KCNH8: variants seen among roughly 807,000 people sequenced by gnomAD.
The protein encoded by KCNH8 is voltage-gated delayed rectifier potassium channel KCNH8.
Under a neutral mutation model 103.6 loss-of-function variants are expected in KCNH8, and 70 were observed. That is an observed-to-expected ratio of 0.68 (90% CI 0.56 to 0.82). The LOEUF (loss-of-function observed/expected upper bound fraction) is 0.82. Ranked by LOEUF, KCNH8 falls within the 40% of genes least tolerant of loss-of-function variation. The pLI, the probability that KCNH8 is intolerant of heterozygous loss-of-function variation, is 0.00. For synonymous variants in KCNH8, 498 were observed against 489.4 expected (o/e 1.02, Z -0.23); for missense variants, 1,217 against 1,329.9 (o/e 0.92, Z 1.32).
intron 2 of KCNH8, among the ~76,000 whole-genome samples, chr3:19,262,266 C>T (rs560291672): frequency 2.0e-5 from 3 of 152,008 alleles, no homozygotes; most frequent in South Asian, 2.1e-4. Flanking sequence ...TATTAGTCTC[C>T]TCTTCAGTGT....
intron 1 of KCNH8, among the ~76,000 whole-genome samples, chr3:19,214,025 C>T (rs1429822037): frequency 6.6e-6 from 1 of 152,158 alleles, no homozygotes; most frequent in Non-Finnish European, 1.5e-5. Flanking sequence ...TTCTACCACC[C>T]CCGCCTGCCC....
intron 11 of KCNH8, among the ~76,000 whole-genome samples, chr3:19,483,136 G>C (rs562982581): frequency 6.6e-6 from 1 of 152,172 alleles, no homozygotes; most frequent in South Asian, 2.1e-4. Flanking sequence ...TAGGAAGAAA[G>C]ATGGTTTAAG....
intron 5 of KCNH8, among the ~76,000 whole-genome samples, chr3:19,348,373 T>C (rs200447291): frequency 1.4e-5 from 2 of 144,714 alleles, no homozygotes; most frequent in African/African-American, 2.4e-5. Flanking sequence ...CCGTGCCCTT[T>C]CAGCATGTTG....
chr3:19,242,790 A>AAGGCTTATT (rs139101614), intron 1 of KCNH8, among the ~76,000 whole-genome samples: 1,992 of 152,270 alleles, frequency 0.013, 21 homozygotes, highest in Middle Eastern at 0.034. Context: ...AGGTTTATGA[A>AAGGCTTATT]ACTGCAAATG....
chr3:19,404,435 A>G (rs2066661551), intron 7 of KCNH8, among the ~76,000 whole-genome samples: 1 of 151,942 alleles, frequency 6.6e-6, no homozygotes, highest in Non-Finnish European at 1.5e-5. Flanking sequence ...TCTTTGTTTT[A>G]AGGTGATAGT....
chr3:19,394,025 T>C (rs1005151380), intron 6 of KCNH8, among the ~76,000 whole-genome samples: 109 of 151,996 alleles, frequency 7.2e-4, no homozygotes, highest in African/African-American at 2.4e-3. Flanking sequence ...GAGGAAAGAA[T>C]TGGAAGTCAA....
In KCNH8 at chr3:19,182,496, A is replaced by T. The variant is rs375491845; in HGVS notation, c.76+33701A>T. The stretch of plus-strand genomic sequence containing the variant: ...CCGTGAGCCAAGATCGCGCCACTGC[A>T]CTCCAGCCTGGGCGACAGAGCGAGA... On this transcript the variant is annotated intron_variant, in intron 1 of 15. Transcript: ENST00000328405. 9.8e-5 allele frequency among the ~76,000 whole-genome samples: 15 copies of T among 152,290 alleles called. No homozygotes were observed. The East Asian group carries it at 2.1e-3, about 22-fold the overall frequency.
At chr3:19,278,678 G>A (rs1409557603) in intron 2 of KCNH8, among the ~76,000 whole-genome samples, 2 of 152,128 alleles carry the variant, frequency 1.3e-5, no homozygotes, top group South Asian at 2.1e-4. Context: ...CCTAGTTCAT[G>A]TAAAATCATT....
intron 3 of KCNH8, among the ~76,000 whole-genome samples, chr3:19,316,805 T>C (rs1224745119): frequency 6.6e-6 from 1 of 151,944 alleles, no homozygotes; most frequent in Non-Finnish European, 1.5e-5. Flanking sequence ...CTCAACACAC[T>C]TTTTGTCTGG....
intron 11 of KCNH8, among the ~76,000 whole-genome samples, chr3:19,482,202 G>A (rs916382008): frequency 7.2e-5 from 11 of 152,194 alleles, no homozygotes; most frequent in East Asian, 3.9e-4. Context: ...TCCATACAAT[G>A]TCTATAATCT....
At chr3:19,440,942 G>T (rs2067274493) in intron 8 of KCNH8, among the ~76,000 whole-genome samples, 2 of 152,028 alleles carry the variant, frequency 1.3e-5, no homozygotes, top group South Asian at 4.1e-4. Context: ...GCTTTGTAAT[G>T]CTGGGGTTTG....
intron 3 of KCNH8, 114 bp downstream of exon 3, chr3:19,281,443 G>GTCCT: frequency 3.3e-6 from 3 of 906,974 alleles, no homozygotes; most frequent in Non-Finnish European, 3.3e-6. Context: ...ATAAATATTC[G>GTCCT]TAACTGTTAG....
chr3:19,512,389 T>C (rs1387670696), intron 12 of KCNH8, among the ~76,000 whole-genome samples: 1 of 152,202 alleles, frequency 6.6e-6, no homozygotes, highest in Non-Finnish European at 1.5e-5. Context: ...GTTTGCTTCT[T>C]TTCTTGCTAG....
chr3:19,180,799 A>G (rs2063445313), intron 1 of KCNH8, among the ~76,000 whole-genome samples: 3 of 152,308 alleles, frequency 2.0e-5, no homozygotes. Flanking sequence ...CTGTGAGAGC[A>G]TATTTTTAGA....
At chr3:19,296,943 G>A (rs1468094143) in intron 3 of KCNH8, among the ~76,000 whole-genome samples, 2 of 151,500 alleles carry the variant, frequency 1.3e-5, no homozygotes, top group Non-Finnish European at 2.9e-5. Flanking sequence ...TTAAAAATTA[G>A]AAATAGAATA....
chr3:19,513,018 G>C lies in KCNH8; in HGVS notation c.2128G>C (p.Val710Leu). The part of the protein sequence containing the change: ...GNINKRLPSI[V>L]EDEEEEEEGE... The stretch of plus-strand genomic sequence containing the variant: ...CATCAACAAGCGACTCCCATCCATT[G>C]TGGAAGATGAGGAAGAGGAGGAGGA... The change falls in exon 13 of 16, where the codon GTG (valine) becomes CTG (leucine). Residue 710 changes from valine (V) to leucine (L), a missense_variant. Transcript: ENST00000328405. 2 of 1,613,732 alleles carry C rather than the reference G, an allele frequency of 1.2e-6. No homozygotes were observed. The highest frequency in any genetic ancestry group is 1.7e-6 in the Non-Finnish European group (2 of 1,179,872).
At chr3:19,524,858 A>G (rs2069035945) in intron 15 of KCNH8, among the ~76,000 whole-genome samples, 1 of 151,932 alleles carries the variant, frequency 6.6e-6, no homozygotes, top group Non-Finnish European at 1.5e-5. Context: ...GCAAACCACA[A>G]GGGGTAGAAC....
At position 19,535,544 on chromosome 3, in the gene KCNH8, A is replaced by AT. The variant is rs1295423982; in HGVS notation, c.*1449dup. On this transcript the variant is annotated 3_prime_UTR_variant, in exon 16 of 16. Transcript: ENST00000328405. ...CAGTTACAGTCTAATTGTCTTGGACATTTTGGGAAGATATATTGGGTTCAC... is the reference window on the plus strand; with the variant it reads ...CAGTTACAGTCTAATTGTCTTGGACATTTTTGGGAAGATATATTGGGTTCAC... 6.6e-6 allele frequency: 1 copy of AT among 152,190 alleles called. No homozygotes were observed. Among genetic ancestry groups the AT allele is most frequent in the African/African-American group, 2.4e-5 (1 of 41,446 alleles). 9.4% of individuals were successfully genotyped at this position (152,190 alleles called of 1,614,324 possible). A position where few individuals can be genotyped will look rare whatever the true frequency, so the allele number is the denominator to read the frequency against.
chr3:19,241,393 A>G (rs1272121093), intron 1 of KCNH8, among the ~76,000 whole-genome samples: 1 of 152,146 alleles, frequency 6.6e-6, no homozygotes, highest in Non-Finnish European at 1.5e-5. Context: ...GAGCATGATC[A>G]TACAGTTTTT....
Sources: gnomAD v4.1 joint callset for allele counts (sites outside exome capture counted in the v4.1 genomes callset) on GRCh38, gnomAD v4.1.1 for gene constraint, MANE v1.5 for transcripts, NCBI Gene and HGNC (gene_info 2026-07-23, HGNC 2026-07-21) for gene names.